ANKRD44: variants seen among roughly 807,000 people sequenced by gnomAD.
ANKRD44 encodes the protein ankyrin repeat domain 44, also known as serine/threonine-protein phosphatase 6 regulatory ankyrin repeat subunit B.
ANKRD44 carries 35 observed loss-of-function variants against 116.0 expected under a neutral mutation model. That is an observed-to-expected ratio of 0.30 (90% CI 0.23 to 0.40). The LOEUF (loss-of-function observed/expected upper bound fraction) is 0.40, where lower values mean the gene tolerates loss of function less well. ANKRD44 is among the 10% of genes least tolerant of loss of function. The probability of loss-of-function intolerance (pLI) is 1.00; values close to 1 mark genes in which losing one functional copy is unlikely to be tolerated. For synonymous variants in ANKRD44, 435 were observed against 461.8 expected (o/e 0.94, Z 0.74); for missense variants, 1,014 against 1,242.6 (o/e 0.82, Z 2.77).
intron 1 of ANKRD44, among the ~76,000 whole-genome samples, chr2:197,304,150 A>G (rs1017498406): frequency 2.6e-5 from 4 of 152,074 alleles, no homozygotes; most frequent in Admixed American, 2.0e-4. Flanking sequence ...TACTAAAAAT[A>G]CAAAAATTAG....
Position 197,122,788 on chromosome 2 carries a change from G to A in ANKRD44, c.555C>T (p.His185=). 6.2e-7 allele frequency: 1 copy of A among 1,612,896 alleles called. No individual in the cohort carries two copies. The highest frequency in any genetic ancestry group is 1.1e-5 in the South Asian group (1 of 90,784). The part of the protein sequence containing the change: ...RALHWAAYMG[H]LDVVALLINH... ...TAATGAGCAATGCTACAACATCCAAGTGGCCTTTACAAACAAAGCAGCAGA... is the reference window on the plus strand; with the variant it reads ...TAATGAGCAATGCTACAACATCCAAATGGCCTTTACAAACAAAGCAGCAGA... Residue 185 remains histidine (H), a synonymous_variant, in exon 7 of 28, where the codon CAC becomes CAT. Transcript: ENST00000282272.
At chr2:197,251,911 G>A (rs1250968379) in intron 1 of ANKRD44, among the ~76,000 whole-genome samples, 3 of 152,062 alleles carry the variant, frequency 2.0e-5, no homozygotes, top group East Asian at 1.9e-4. Context: ...TTCTTCAAAA[G>A]ACATACTAGG....
intron 16 of ANKRD44, among the ~76,000 whole-genome samples, chr2:197,043,843 G>C (rs1488390665): frequency 6.6e-6 from 1 of 151,982 alleles, no homozygotes; most frequent in Non-Finnish European, 1.5e-5. Context: ...GGACATATTT[G>C]AAAGCACTAA....
chr2:197,072,264 C>A (rs181560504), intron 16 of ANKRD44, among the ~76,000 whole-genome samples: 79 of 152,250 alleles, frequency 5.2e-4, no homozygotes, highest in African/African-American at 1.6e-3. Context: ...AGCAATAATT[C>A]CTATTCCTTG....
chr2:197,049,083 CT>C (rs2077057404), intron 16 of ANKRD44, among the ~76,000 whole-genome samples: 1 of 151,980 alleles, frequency 6.6e-6, no homozygotes, highest in African/African-American at 2.4e-5. Flanking sequence ...GATATTAGCC[CT>C]TTGTCAGATG....
chr2:197,274,007 ATATATATATATATATATATATG>A (rs2082999756), intron 1 of ANKRD44, among the ~76,000 whole-genome samples: 4 of 88,666 alleles, frequency 4.5e-5, no homozygotes, highest in East Asian at 2.4e-4. Context: ...ATATATATAT[ATATATATATATATATATATATG>A]AATCAGACAG....
chr2:196,978,898 T>TA (rs1483762439), intron 21 of ANKRD44, among the ~76,000 whole-genome samples: 8 of 149,250 alleles, frequency 5.4e-5, no homozygotes, highest in South Asian at 2.1e-4. Context: ...CGATATTGTT[T>TA]TAAAAAAAAA....
chr2:197,288,019 C>CAAAAAAAAAAAAAAAAAAAAAAAAAA (rs10666895), intron 1 of ANKRD44, among the ~76,000 whole-genome samples: 1 of 81,800 alleles, frequency 1.2e-5, no homozygotes, highest in East Asian at 3.3e-4. Context: ...GACTCAGTCT[C>CAAAAAAAAAAAAAAAAAAAAAAAAAA]AAAAAAAAAA....
chr2:196,987,031 G>C lies in ANKRD44; in HGVS notation c.*2560C>G, dbSNP rs2075845746. The C allele has an allele frequency of 4.1e-6, 4 of 985,180 alleles. No homozygotes were observed. Among genetic ancestry groups the C allele is most frequent in the African/African-American group, 1.7e-5 (1 of 57,342 alleles). 61.0% of individuals were successfully genotyped at this position (985,180 alleles called of 1,614,324 possible). ...TTACAAAGATATATTGCACATGCTAGAGCATAAAATATGTAGACAAAACTA... is the reference window on the plus strand; with the variant it reads ...TTACAAAGATATATTGCACATGCTACAGCATAAAATATGTAGACAAAACTA... On this transcript the variant is annotated 3_prime_UTR_variant, in exon 28 of 28. Coordinates refer to ENST00000282272, the MANE Select transcript of ANKRD44 (RefSeq NM_001195144.2).
intron 1 of ANKRD44, among the ~76,000 whole-genome samples, chr2:197,261,309 TC>T (rs764857897): frequency 6.6e-6 from 1 of 151,944 alleles, no homozygotes; most frequent in African/African-American, 2.4e-5. Flanking sequence ...TAGCCAGTTT[TC>T]CCAGCACCAT....
intron 16 of ANKRD44, among the ~76,000 whole-genome samples, chr2:197,036,383 C>T (rs896648037): frequency 1.3e-5 from 2 of 152,074 alleles, no homozygotes; most frequent in Admixed American, 6.5e-5. Flanking sequence ...CTCACCCTCC[C>T]GAGTAGCTGA....
intron 1 of ANKRD44, among the ~76,000 whole-genome samples, chr2:197,267,687 C>G (rs2105762091): frequency 6.6e-6 from 1 of 152,290 alleles, no homozygotes; most frequent in Admixed American, 6.5e-5. Context: ...AACAATGGCT[C>G]CAGATAATGC....
rs117442498 is a variant in ANKRD44 at position 197,212,783 on chromosome 2, C to T, written c.28-25677G>A. Among the ~76,000 whole-genome samples the T allele has an allele frequency of 1.8e-4, 27 of 152,216 alleles. No homozygotes were observed. The South Asian group carries it at 2.3e-3, about 13-fold the overall frequency. On this transcript the variant is annotated intron_variant, in intron 1 of 27. Transcript: ENST00000282272. This position sits in a 1 kb window ranked among gnomAD's most constrained non-coding sequence, Gnocchi z 4.8. Reference sequence around the variant, plus strand: ...CACCCACAAGGAAGGGAGGTGGACACGTACACACACAAACACACACTTCAA... The same window carrying T: ...CACCCACAAGGAAGGGAGGTGGACATGTACACACACAAACACACACTTCAA...
intron 21 of ANKRD44, among the ~76,000 whole-genome samples, chr2:196,973,783 C>T (rs2075731729): frequency 1.3e-5 from 2 of 152,092 alleles, no homozygotes; most frequent in Middle Eastern, 3.2e-3. Flanking sequence ...CATATCATTC[C>T]TTTTAAAACT....
rs574631424 is a variant in ANKRD44, at chr2:197,291,647, T to C, written c.27+18931A>G. On this transcript the variant is annotated intron_variant, in intron 1 of 27. Coordinates refer to ENST00000282272, the MANE Select transcript of ANKRD44 (RefSeq NM_001195144.2). ...GGAGAAAAAGGAACAATGTAAAATT[T>C]CCAACTATCGAATAATGCTTGCTCA... 3.3e-5 allele frequency among the ~76,000 whole-genome samples: 5 copies of C among 152,286 alleles called. No individual in the cohort carries two copies. In the South Asian group the frequency reaches 1.0e-3, roughly 32 times the overall value.
At chr2:197,028,603 T>C (rs1298465794) in intron 16 of ANKRD44, 1 of 156,150 alleles carries the variant, frequency 6.4e-6, no homozygotes, top group Non-Finnish European at 1.4e-5. Context: ...CTCTTCCAGT[T>C]AGACGCATGA....
chr2:197,117,034 T>C lies in ANKRD44; in HGVS notation c.906+4298A>G, dbSNP rs372158719. 3.3e-5 allele frequency among the ~76,000 whole-genome samples: 5 copies of C among 152,310 alleles called. No individual in the cohort carries two copies. In the East Asian group the frequency reaches 7.7e-4, roughly 23 times the overall value. On this transcript the variant is annotated intron_variant, in intron 8 of 27. Coordinates refer to ENST00000282272, the MANE Select transcript of ANKRD44 (RefSeq NM_001195144.2). ...CTGTTTAATATTCACAGCAGTTCCA[T>C]GGAGAAGACACTATTGTTTCCCTAA... is the stretch of plus-strand genomic sequence containing the variant.
At chr2:196,979,382 CAAAAAAAAAAAAAAA>C (rs778459937) in intron 21 of ANKRD44, among the ~76,000 whole-genome samples, 1 of 40,572 alleles carries the variant, frequency 2.5e-5, no homozygotes, top group Non-Finnish European at 5.0e-5. Context: ...GACTCCGTCT[CAAAAAAAAAAAAAAA>C]AAAAAAAAAG....
chr2:197,083,628 T>C (rs913997399), intron 13 of ANKRD44, 119 bp from the exon 14 acceptor site: 52 of 1,097,138 alleles, frequency 4.7e-5, no homozygotes, highest in Non-Finnish European at 5.8e-5. Context: ...TCAGAGTGTG[T>C]GGAGGCCAAA....
Sources: allele counts gnomAD v4.1 joint callset (sites outside exome capture counted in the v4.1 genomes callset), GRCh38; gene constraint gnomAD v4.1.1; non-coding constraint Gnocchi (gnomAD v3.1); transcripts MANE v1.5; gene names NCBI Gene and HGNC (gene_info 2026-07-23, HGNC 2026-07-21).